Variants in SNCAIP observed in about 807,000 individuals in gnomAD.
SNCAIP encodes the protein synuclein alpha interacting protein, also known as synphilin-1.
In SNCAIP, 43 loss-of-function variants were observed where a neutral mutation model predicts 86.7. That is an observed-to-expected ratio of 0.50 (90% CI 0.39 to 0.64). SNCAIP has a LOEUF of 0.64. Among genes scored for constraint, SNCAIP ranks in the 30% least tolerant of loss-of-function variants. SNCAIP has a pLI of 0.00. For synonymous variants in SNCAIP, 417 were observed against 427.2 expected (o/e 0.98, Z 0.29); for missense variants, 981 against 1,103.1 (o/e 0.89, Z 1.57).
intron 10 of SNCAIP, among the ~76,000 whole-genome samples, chr5:122,457,588 C>G (rs1785074876): frequency 2.0e-5 from 3 of 152,234 alleles, no homozygotes; most frequent in Middle Eastern, 3.4e-3. Flanking sequence ...CCCCACCCAA[C>G]CCCGCCAACT....
intron 6 of SNCAIP, among the ~76,000 whole-genome samples, chr5:122,433,673 T>G (rs948346326): frequency 6.6e-6 from 1 of 152,198 alleles, no homozygotes; most frequent in African/African-American, 2.4e-5. Context: ...CTTTGTGCAT[T>G]GTACTTACTA....
intron 1 of SNCAIP, among the ~76,000 whole-genome samples, chr5:122,332,510 G>T (rs1366941120): frequency 1.3e-5 from 2 of 152,198 alleles, no homozygotes; most frequent in African/African-American, 4.8e-5. Context: ...TATTTCCATG[G>T]ACTTAGAGCA....
At chr5:122,365,357 C>T (rs769349309) in intron 1 of SNCAIP, among the ~76,000 whole-genome samples, 31 of 152,166 alleles carry the variant, frequency 2.0e-4, no homozygotes, top group Admixed American at 1.0e-3. Context: ...ATACCGTCTA[C>T]GGCTAAGCCA....
In SNCAIP at chr5:122,444,344, C is replaced by T; in HGVS notation, c.1423-219C>T. 5.0e-6 allele frequency: 3 copies of T among 604,304 alleles called. No individual in the cohort carries two copies. In the Admixed American group the frequency reaches 6.9e-5, roughly 14 times the overall value. The allele number at this position is 604,304 out of a possible 1,614,324, so 37.4% of individuals were successfully genotyped here. On this transcript the variant is annotated intron_variant, in intron 7 of 10. Coordinates refer to ENST00000261368, the MANE Select transcript of SNCAIP (RefSeq NM_005460.4). ...AGCACACTATGGACAGCCTCCTCCT[C>T]TCCTTCCCAGCCCCCTCCTTATGTG...
intron 1 of SNCAIP, 180 bp downstream of exon 1, chr5:122,312,464 A>G (rs1422527277): frequency 6.6e-6 from 1 of 152,136 alleles, no homozygotes; most frequent in Non-Finnish European, 1.5e-5. Flanking sequence ...CTCTGCAGAA[A>G]GGGTTTGAGG....
intron 3 of SNCAIP, among the ~76,000 whole-genome samples, chr5:122,409,878 G>A (rs1226884627): frequency 2.0e-5 from 3 of 152,208 alleles, no homozygotes; most frequent in Non-Finnish European, 4.4e-5. Flanking sequence ...CTAAAAGCTT[G>A]AAAGTGAAGG....
At chr5:122,433,864 G>A (rs1353971513) in intron 6 of SNCAIP, among the ~76,000 whole-genome samples, 1 of 152,090 alleles carries the variant, frequency 6.6e-6, no homozygotes, top group Non-Finnish European at 1.5e-5. Context: ...TTTGAATTTC[G>A]ATCATTTCCT....
chr5:122,371,764 T>A (rs1169286402), intron 1 of SNCAIP: 6 of 152,174 alleles, frequency 3.9e-5, no homozygotes, highest in African/African-American at 1.4e-4. Flanking sequence ...CTCTCTGGAC[T>A]TCTATTTCCT....
In SNCAIP at chr5:122,420,848, G is replaced by A. The variant is rs982027316; in HGVS notation, c.131-2020G>A. On this transcript the variant is annotated intron_variant, in intron 3 of 10. Coordinates refer to ENST00000261368, the MANE Select transcript of SNCAIP (RefSeq NM_005460.4). ...CCAACTGTAATTAGTCTTTGCCTTTGCATATTTACATTTCATAAATAACTT... is the reference window on the plus strand; with the variant it reads ...CCAACTGTAATTAGTCTTTGCCTTTACATATTTACATTTCATAAATAACTT... Among the ~76,000 whole-genome samples the A allele has an allele frequency of 3.0e-4, 46 of 152,148 alleles. 3 individuals carry two copies.
chr5:122,459,984 A>C (rs1785747690), intron 10 of SNCAIP, among the ~76,000 whole-genome samples: 1 of 152,182 alleles, frequency 6.6e-6, no homozygotes, highest in Non-Finnish European at 1.5e-5. Context: ...CCTGTTATCT[A>C]CTGGCATTCT....
intron 7 of SNCAIP, among the ~76,000 whole-genome samples, chr5:122,443,314 T>C (rs1332113953): frequency 2.0e-5 from 3 of 152,264 alleles, no homozygotes; most frequent in Non-Finnish European, 4.4e-5. Context: ...ATCTATCAGA[T>C]TGTAGTGGTT....
chr5:122,460,802 T>C (rs1786012557), intron 10 of SNCAIP, among the ~76,000 whole-genome samples: 1 of 152,190 alleles, frequency 6.6e-6, no homozygotes, highest in South Asian at 2.1e-4. Context: ...CCAAACCATC[T>C]TTTAGCACCC....
At chr5:122,444,333 A>G in intron 7 of SNCAIP, 1 of 586,552 alleles carries the variant, frequency 1.7e-6, no homozygotes, top group Non-Finnish European at 3.1e-6. Flanking sequence ...CACTATGGAC[A>G]GCCTCCTCCT....
intron 1 of SNCAIP, among the ~76,000 whole-genome samples, chr5:122,315,724 C>T (rs1751569470): frequency 1.3e-5 from 2 of 152,064 alleles, no homozygotes; most frequent in South Asian, 4.1e-4. Context: ...GGAAGTATGA[C>T]ACAATGATAA....
At chr5:122,343,034 C>T (rs959443026) in intron 1 of SNCAIP, among the ~76,000 whole-genome samples, 11 of 152,132 alleles carry the variant, frequency 7.2e-5, no homozygotes, top group African/African-American at 2.7e-4. Context: ...GGAAGAAATG[C>T]CAGGGTAGAT....
At chr5:122,406,108 C>G (rs1772915299) in intron 3 of SNCAIP, among the ~76,000 whole-genome samples, 1 of 152,068 alleles carries the variant, frequency 6.6e-6, no homozygotes, top group Admixed American at 6.6e-5. Context: ...AAAAAGGAAC[C>G]CACGGAAAAA....
chr5:122,402,627 A>G (rs1772068694), intron 2 of SNCAIP, among the ~76,000 whole-genome samples: 1 of 152,208 alleles, frequency 6.6e-6, no homozygotes, highest in Non-Finnish European at 1.5e-5. Flanking sequence ...TGGGGAAAGC[A>G]CAAGGAAGTC....
chr5:122,332,125 A>T (rs1481594988), intron 1 of SNCAIP, among the ~76,000 whole-genome samples: 2 of 152,276 alleles, frequency 1.3e-5, no homozygotes, highest in African/African-American at 4.8e-5. Context: ...CAATAGGAAA[A>T]TTTTAAATCA....
chr5:122,451,829 AAAAT>A (rs1783751450), intron 10 of SNCAIP: 1 of 510,742 alleles, frequency 2.0e-6, no homozygotes, highest in African/African-American at 1.9e-5. Context: ...GGTTAAAAAA[AAAAT>A]AAGAGATTAT....
Sources: gnomAD v4.1 joint callset for allele counts (sites outside exome capture counted in the v4.1 genomes callset) on GRCh38, gnomAD v4.1.1 for gene constraint, MANE v1.5 for transcripts, NCBI Gene and HGNC (gene_info 2026-07-23, HGNC 2026-07-21) for gene names.